B3GALT1: variants seen among roughly 807,000 people sequenced by gnomAD.
The protein encoded by B3GALT1 is UDP-Gal:betaGlcNAc beta 1,3-galactosyltransferase, polypeptide 1.
A neutral mutation model predicts 23.2 loss-of-function variants in B3GALT1; 10 were observed. The observed-to-expected ratio is 0.43, with a 90% CI of 0.27 to 0.73. The LOEUF (loss-of-function observed/expected upper bound fraction) is 0.73, where lower values mean the gene tolerates loss of function less well. B3GALT1 is among the 30% of genes least tolerant of loss of function. B3GALT1 has a pLI of 0.21. For synonymous variants in B3GALT1, 156 were observed against 141.5 expected, an observed-to-expected ratio of 1.10 and a Z score of -0.73; for missense variants, 299 against 405.4, an observed-to-expected ratio of 0.74 and a Z score of 2.25.
chr2:167,861,117 C>A (rs1690091226), intron 4 of B3GALT1, among the ~76,000 whole-genome samples: 1 of 152,048 alleles, frequency 6.6e-6, no homozygotes, highest in Non-Finnish European at 1.5e-5. Context: ...TGATGCCAAA[C>A]CATCATGATT....
rs116075148 is a variant in B3GALT1 at position 167,724,314 on chromosome 2, C to T, written c.-352+77348C>T. Among the ~76,000 whole-genome samples the T allele has an allele frequency of 3.4e-3, 511 of 152,274 alleles. 3 individuals carry two copies. The highest frequency in any genetic ancestry group is 0.012 in the African/African-American group (491 of 41,558). ...AACCTCACATGCCTGATGAGCCAGC[C>T]CCACATCAAAACAAGTAAATAATCT... On this transcript the variant is annotated intron_variant, in intron 3 of 4. Coordinates refer to ENST00000392690, the MANE Select transcript of B3GALT1 (RefSeq NM_020981.4).
At chr2:167,548,745 T>A (rs1683694894) in intron 2 of B3GALT1, among the ~76,000 whole-genome samples, 1 of 151,610 alleles carries the variant, frequency 6.6e-6, no homozygotes, top group African/African-American at 2.4e-5. Flanking sequence ...TGAAATAAAA[T>A]TTTATCTTAA....
At chr2:167,315,024 T>C (rs1696690916) in intron 1 of B3GALT1, among the ~76,000 whole-genome samples, 1 of 152,180 alleles carries the variant, frequency 6.6e-6, no homozygotes, top group Non-Finnish European at 1.5e-5. Context: ...CTCTTAAGCA[T>C]TATTAAAATA....
At chr2:167,740,361 G>C (rs904777023) in intron 3 of B3GALT1, among the ~76,000 whole-genome samples, 6 of 151,966 alleles carry the variant, frequency 3.9e-5, no homozygotes, top group African/African-American at 1.2e-4. Flanking sequence ...TTTCTCTCCA[G>C]GAATGTTGGT....
At chr2:167,545,574 C>T (rs1367778285) in intron 2 of B3GALT1, among the ~76,000 whole-genome samples, 3 of 152,014 alleles carry the variant, frequency 2.0e-5, no homozygotes, top group East Asian at 1.9e-4. Context: ...CCCTATTGTC[C>T]CAGGAAGTCC....
At chr2:167,664,753 GCTCT>G (rs1363188088) in intron 3 of B3GALT1, among the ~76,000 whole-genome samples, 10 of 151,592 alleles carry the variant, frequency 6.6e-5, no homozygotes, top group African/African-American at 2.4e-4. Flanking sequence ...TCATGATTTG[GCTCT>G]CTGTTTGTCT....
chr2:167,410,515 G>T (rs1277268295), intron 1 of B3GALT1, among the ~76,000 whole-genome samples: 3 of 148,320 alleles, frequency 2.0e-5, no homozygotes, highest in Non-Finnish European at 4.5e-5. Context: ...AAAAAAAAGT[G>T]GGAGTTCAAC....
At chr2:167,340,340 G>A (rs1312538053) in intron 1 of B3GALT1, among the ~76,000 whole-genome samples, 2 of 148,418 alleles carry the variant, frequency 1.3e-5, no homozygotes, top group African/African-American at 5.0e-5. Context: ...AAAAAACAGA[G>A]CTTTTGGCAA....
intron 3 of B3GALT1, among the ~76,000 whole-genome samples, chr2:167,800,510 C>A (rs933145041): frequency 3.3e-5 from 5 of 152,112 alleles, no homozygotes; most frequent in Non-Finnish European, 5.9e-5. Context: ...TAAAGATATA[C>A]AAATACAATT....
intron 2 of B3GALT1, among the ~76,000 whole-genome samples, chr2:167,491,060 C>T (rs1382355453): frequency 6.6e-6 from 1 of 152,110 alleles, no homozygotes; most frequent in African/African-American, 2.4e-5. Flanking sequence ...TTACACAAGA[C>T]AAAATTTTGC....
intron 1 of B3GALT1, among the ~76,000 whole-genome samples, chr2:167,412,499 C>T (rs1328189567): frequency 6.6e-6 from 1 of 152,064 alleles, no homozygotes; most frequent in Non-Finnish European, 1.5e-5. Flanking sequence ...AAAAATATGA[C>T]AATATATTCA....
chr2:167,666,152 T>G (rs1395380582), intron 3 of B3GALT1, among the ~76,000 whole-genome samples: 2 of 152,234 alleles, frequency 1.3e-5, no homozygotes, highest in Non-Finnish European at 2.9e-5. Flanking sequence ...ATGTAGTGTC[T>G]TTGTTCTCGT....
chr2:167,465,585 A>G (rs1382030045), intron 1 of B3GALT1, among the ~76,000 whole-genome samples: 1 of 152,120 alleles, frequency 6.6e-6, no homozygotes, highest in East Asian at 1.9e-4. Context: ...TGAGGACTCC[A>G]CCCTCATGAC....
chr2:167,352,778 A>T (rs1414874377), intron 1 of B3GALT1, among the ~76,000 whole-genome samples: 2 of 152,098 alleles, frequency 1.3e-5, no homozygotes, highest in Admixed American at 1.3e-4. Flanking sequence ...TTACAATAAA[A>T]AACACCAGTA....
chr2:167,516,966 A>G (rs1700108503), intron 2 of B3GALT1, among the ~76,000 whole-genome samples: 1 of 98,716 alleles, frequency 1.0e-5, no homozygotes. Context: ...ATATATATAT[A>G]TATATGACAC....
chr2:167,389,909 CAAAA>C (rs141871874), intron 1 of B3GALT1, among the ~76,000 whole-genome samples: 2 of 112,596 alleles, frequency 1.8e-5, no homozygotes, highest in African/African-American at 8.4e-5. Context: ...ATACCCTGTC[CAAAA>C]AAAAAAAAAA....
chr2:167,642,802 G>A (rs956093878), intron 2 of B3GALT1, among the ~76,000 whole-genome samples: 1 of 151,950 alleles, frequency 6.6e-6, no homozygotes, highest in East Asian at 1.9e-4. Flanking sequence ...GCAAGAAGAG[G>A]GACTTCATAT....
intron 4 of B3GALT1, among the ~76,000 whole-genome samples, chr2:167,837,886 C>G (rs1164118435): frequency 6.6e-6 from 1 of 152,160 alleles, no homozygotes; most frequent in African/African-American, 2.4e-5. Flanking sequence ...CTCAAAACCG[C>G]TCAACTACAT....
chr2:167,484,518 A>G (rs1055105131), intron 1 of B3GALT1, among the ~76,000 whole-genome samples: 1 of 152,210 alleles, frequency 6.6e-6, no homozygotes, highest in African/African-American at 2.4e-5. Context: ...TGGGACAACT[A>G]GAAGCAGGGT....
Sources: gnomAD v4.1 joint callset for allele counts (sites outside exome capture counted in the v4.1 genomes callset) on GRCh38, gnomAD v4.1.1 for gene constraint, MANE v1.5 for transcripts, NCBI Gene and HGNC (gene_info 2026-07-23, HGNC 2026-07-21) for gene names.